The following KCNH8 variants were observed in gnomAD, a reference collection of about 807,000 sequenced individuals.
KCNH8 encodes potassium voltage-gated channel subfamily H member 8.
Under a neutral mutation model 103.6 loss-of-function variants are expected in KCNH8, and 70 were observed. The ratio of observed to expected loss-of-function variants is 0.68; its 90% CI spans 0.56 to 0.82. KCNH8 has a LOEUF of 0.82. Among genes scored for constraint, KCNH8 ranks in the 40% least tolerant of loss-of-function variants. The probability of loss-of-function intolerance (pLI) is 0.00; values close to 1 mark genes in which losing one functional copy is unlikely to be tolerated. For missense variants in KCNH8, 1,217 were observed against 1,329.9 expected, an observed-to-expected ratio of 0.92 and a Z score of 1.32; for synonymous variants, 498 against 489.4, an observed-to-expected ratio of 1.02 and a Z score of -0.23.
chr3:19,319,112 G>A (rs1175780799), intron 3 of KCNH8, among the ~76,000 whole-genome samples: 1 of 152,042 alleles, frequency 6.6e-6, no homozygotes, highest in Non-Finnish European at 1.5e-5. Context: ...CACTGTGTGG[G>A]TTGTCTGTTA....
chr3:19,403,104 T>C (rs2066637091), intron 7 of KCNH8, among the ~76,000 whole-genome samples: 1 of 151,700 alleles, frequency 6.6e-6, no homozygotes, highest in Non-Finnish European at 1.5e-5. Flanking sequence ...TACCTGACAA[T>C]TATTAATATA....
Position 19,349,328 on chromosome 3 carries a change from C to G in KCNH8, c.811+1363C>G, listed in dbSNP as rs1018981277. The stretch of plus-strand genomic sequence containing the variant: ...TTGGGTGTGTCTGTGGTTTTGTATC[C>G]TTTTACTTTGCCAACATTTGAAGTC... On this transcript the variant is annotated intron_variant, in intron 5 of 15. Transcript: ENST00000328405. 3.3e-5 allele frequency among the ~76,000 whole-genome samples: 5 copies of G among 151,828 alleles called. No homozygotes were observed. In the East Asian group the frequency reaches 9.7e-4, roughly 29 times the overall value.
chr3:19,456,103 G>A (rs2067528217), intron 10 of KCNH8, among the ~76,000 whole-genome samples: 1 of 151,920 alleles, frequency 6.6e-6, no homozygotes, highest in South Asian at 2.1e-4. Context: ...ACACCATGTG[G>A]CTATGTATTA....
intron 7 of KCNH8, among the ~76,000 whole-genome samples, chr3:19,435,334 A>G (rs1187824383): frequency 6.6e-6 from 1 of 152,166 alleles, no homozygotes; most frequent in Non-Finnish European, 1.5e-5. Context: ...TATTTTTCAC[A>G]TCTTTAAAGT....
At chr3:19,342,827 T>TC in intron 4 of KCNH8, 113 bp downstream of exon 4, 1 of 1,071,322 alleles carries the variant, frequency 9.3e-7, no homozygotes. Flanking sequence ...GATTTTTTTT[T>TC]CCACTTTGGT....
chr3:19,191,033 T>G (rs1200185814), intron 1 of KCNH8, among the ~76,000 whole-genome samples: 1 of 151,932 alleles, frequency 6.6e-6, no homozygotes, highest in African/African-American at 2.4e-5. Context: ...TGAACTAGAT[T>G]ATTTTGAGGA....
In KCNH8 at chr3:19,148,758, C is replaced by G; in HGVS notation, c.39C>G (p.Thr13=). ...AAGGATTACTGGCGCCGCAAAACAC[C>G]TTCCTGGACACCATCGCCACCCGTT... ...VMKGLLAPQN[T]FLDTIATRFD... Residue 13 remains threonine (T), a synonymous_variant, in exon 1 of 16, where the codon ACC becomes ACG. Coordinates refer to ENST00000328405, the MANE Select transcript of KCNH8 (RefSeq NM_144633.3). 1.2e-6 allele frequency: 2 copies of G among 1,614,152 alleles called. No homozygotes were observed. The highest frequency in any genetic ancestry group is 8.5e-7 in the Non-Finnish European group (1 of 1,179,996).
At position 19,494,495 on chromosome 3, in the gene KCNH8, C is replaced by T. The variant is rs140482524; in HGVS notation, c.2041-15868C>T. On this transcript the variant is annotated intron_variant, in intron 11 of 15. Transcript: ENST00000328405. ...TGCCATGATTGTGAGTCCTCTTCAG[C>T]CATGTGGAACTGTAGGTCCAATAAA... 2.8e-3 allele frequency among the ~76,000 whole-genome samples: 419 copies of T among 152,294 alleles called. 2 individuals carry two copies. Among genetic ancestry groups the T allele is most frequent in the Middle Eastern group, 6.8e-3 (2 of 294 alleles).
chr3:19,456,725 C>A (rs767711302), intron 10 of KCNH8, 43 bp from the exon 11 acceptor site: 2 of 1,367,714 alleles, frequency 1.5e-6, no homozygotes, highest in African/African-American at 1.4e-5. Flanking sequence ...CAGTCCTAAG[C>A]TTGCTTTTTT....
intron 3 of KCNH8, among the ~76,000 whole-genome samples, chr3:19,301,688 G>A (rs2065066501): frequency 6.6e-6 from 1 of 152,048 alleles, no homozygotes; most frequent in Admixed American, 6.6e-5. Flanking sequence ...GACCCCACAG[G>A]TTAAGGGCTT....
chr3:19,408,590 A>C (rs2125145507), intron 7 of KCNH8, among the ~76,000 whole-genome samples: 1 of 152,214 alleles, frequency 6.6e-6, no homozygotes, highest in East Asian at 1.9e-4. Context: ...AGACCCAAGA[A>C]AGGGTGGAAA....
intron 11 of KCNH8, among the ~76,000 whole-genome samples, chr3:19,477,797 G>A (rs1466820230): frequency 2.0e-5 from 3 of 151,956 alleles, no homozygotes; most frequent in African/African-American, 7.3e-5. Context: ...TTTACATTTA[G>A]GAAATACAAG....
At chr3:19,490,473 A>G (rs1410414663) in intron 11 of KCNH8, among the ~76,000 whole-genome samples, 2 of 152,210 alleles carry the variant, frequency 1.3e-5, no homozygotes, top group African/African-American at 4.8e-5. Flanking sequence ...GGTAATCAGA[A>G]TGGAACAGAA....
chr3:19,304,604 A>G (rs922958078), intron 3 of KCNH8, among the ~76,000 whole-genome samples: 8 of 152,156 alleles, frequency 5.3e-5, no homozygotes, highest in African/African-American at 1.9e-4. Flanking sequence ...TTGAGAGATT[A>G]GAAAATTAAG....
intron 3 of KCNH8, among the ~76,000 whole-genome samples, chr3:19,341,184 G>C (rs931986170): frequency 4.6e-5 from 7 of 152,094 alleles, no homozygotes; most frequent in African/African-American, 1.7e-4. Context: ...ATGTTCACTT[G>C]AGGTGCTTTC....
chr3:19,157,256 G>A (rs1376749368), intron 1 of KCNH8, among the ~76,000 whole-genome samples: 8 of 152,090 alleles, frequency 5.3e-5, no homozygotes, highest in African/African-American at 1.7e-4. Context: ...AGAGAATAAA[G>A]TAGAAGGTAA....
At chr3:19,391,921 G>T (rs1456772787) in intron 6 of KCNH8, among the ~76,000 whole-genome samples, 3 of 151,626 alleles carry the variant, frequency 2.0e-5, no homozygotes, top group African/African-American at 7.3e-5. Context: ...ATTCACAAAA[G>T]GTTAAAAAAA....
At position 19,170,910 on chromosome 3, in the gene KCNH8, C is replaced by G. The variant is rs1233371988; in HGVS notation, c.76+22115C>G. Among the ~76,000 whole-genome samples the G allele has an allele frequency of 5.3e-5, 8 of 149,796 alleles. No individual in the cohort carries two copies. In the South Asian group the frequency reaches 1.7e-3, roughly 32 times the overall value. ...CACTGCAAGCTCCGCCTCCTGGGTT[C>G]AAGCCATTTTCCTGCCTCAGCCTCC... On this transcript the variant is annotated intron_variant, in intron 1 of 15. Coordinates refer to ENST00000328405, the MANE Select transcript of KCNH8 (RefSeq NM_144633.3).
intron 11 of KCNH8, among the ~76,000 whole-genome samples, chr3:19,489,692 C>A (rs2068279420): frequency 6.6e-6 from 1 of 152,022 alleles, no homozygotes. Context: ...CCCATGTTTC[C>A]TCCAGACAAA....
Sources: gnomAD v4.1 joint callset for allele counts (sites outside exome capture counted in the v4.1 genomes callset) on GRCh38, gnomAD v4.1.1 for gene constraint, MANE v1.5 for transcripts, NCBI Gene and HGNC (gene_info 2026-07-23, HGNC 2026-07-21) for gene names.